The following PITPNC1 variants were observed in gnomAD, a reference collection of about 807,000 sequenced individuals.
The protein encoded by PITPNC1 is cytoplasmic phosphatidylinositol transfer protein 1.
PITPNC1 carries 18 observed loss-of-function variants against 44.7 expected under a neutral mutation model. That is an observed-to-expected ratio of 0.40 (90% confidence interval 0.28 to 0.60). The LOEUF is 0.60. PITPNC1 is among the 20% of genes least tolerant of loss of function. The pLI, the probability that PITPNC1 is intolerant of heterozygous loss-of-function variation, is 0.39. For synonymous variants in PITPNC1, 141 were observed against 149.6 expected (o/e 0.94, Z 0.42); for missense variants, 290 against 418.4 (o/e 0.69, Z 2.68).
intron 5 of PITPNC1, among the ~76,000 whole-genome samples, chr17:67,622,550 T>C (rs1937809790): frequency 6.6e-6 from 1 of 150,908 alleles, no homozygotes; most frequent in African/African-American, 2.4e-5. Flanking sequence ...CATTAGTGCT[T>C]TTCAGGCTCT....
At chr17:67,545,875 C>A (rs2040673021) in intron 2 of PITPNC1, among the ~76,000 whole-genome samples, 1 of 152,082 alleles carries the variant, frequency 6.6e-6, no homozygotes. Context: ...GTGGGACTTG[C>A]ATTCCACTCG....
chr17:67,636,191 G>C (rs529797815), intron 6 of PITPNC1, among the ~76,000 whole-genome samples: 1 of 150,644 alleles, frequency 6.6e-6, no homozygotes, highest in Non-Finnish European at 1.5e-5. Flanking sequence ...CCATCTACTC[G>C]TGAGGCTGAG....
intron 5 of PITPNC1, among the ~76,000 whole-genome samples, chr17:67,603,657 C>T (rs1048760556): frequency 4.6e-5 from 7 of 152,094 alleles, no homozygotes; most frequent in Non-Finnish European, 7.4e-5. Flanking sequence ...GAGCCAGGCG[C>T]GGTGGCTCAC....
At chr17:67,435,649 C>T (rs1316262014) in intron 1 of PITPNC1, among the ~76,000 whole-genome samples, 1 of 152,146 alleles carries the variant, frequency 6.6e-6, no homozygotes, top group African/African-American at 2.4e-5. Context: ...GTCAGGAGTT[C>T]GAGATCAGCT....
intron 1 of PITPNC1, among the ~76,000 whole-genome samples, chr17:67,426,961 G>A (rs2038775705): frequency 6.6e-6 from 1 of 152,144 alleles, no homozygotes; most frequent in African/African-American, 2.4e-5. Flanking sequence ...ATGCTGGTGA[G>A]TTCTGAGCAC....
chr17:67,513,579 T>C (rs2040220446), intron 1 of PITPNC1, among the ~76,000 whole-genome samples: 1 of 151,360 alleles, frequency 6.6e-6, no homozygotes, highest in Non-Finnish European at 1.5e-5. Context: ...GACTTGGTAG[T>C]TGCCAAGTGG....
intron 5 of PITPNC1, among the ~76,000 whole-genome samples, chr17:67,628,885 T>C (rs1439271574): frequency 6.6e-6 from 1 of 152,104 alleles, no homozygotes; most frequent in Non-Finnish European, 1.5e-5. Context: ...CCCAACAACA[T>C]CCAAATCTGA....
chr17:67,573,919 A>G (rs542886157), intron 4 of PITPNC1, among the ~76,000 whole-genome samples: 97 of 152,316 alleles, frequency 6.4e-4, no homozygotes, highest in African/African-American at 2.3e-3. Flanking sequence ...GGAATTGATT[A>G]TAGATGGGGG....
chr17:67,563,463 C>CTAA (rs2040932410), intron 4 of PITPNC1, among the ~76,000 whole-genome samples: 1 of 152,150 alleles, frequency 6.6e-6, no homozygotes, highest in Non-Finnish European at 1.5e-5. Context: ...TGATGTTAGG[C>CTAA]CCGTTGTAAA....
intron 1 of PITPNC1, among the ~76,000 whole-genome samples, chr17:67,465,714 T>TGCG (rs2039416478): frequency 6.6e-6 from 1 of 152,166 alleles, no homozygotes; most frequent in Non-Finnish European, 1.5e-5. Context: ...GAGTCCTCTG[T>TGCG]GCCTAGTTCC....
chr17:67,558,717 TGTTA>T (rs2040870707), intron 4 of PITPNC1, among the ~76,000 whole-genome samples: 1 of 152,182 alleles, frequency 6.6e-6, no homozygotes, highest in Admixed American at 6.5e-5. Flanking sequence ...TGCACCTTTG[TGTTA>T]GTTAGAATGA....
At position 67,378,131 on chromosome 17, in the gene PITPNC1, C is replaced by CG; in HGVS notation, c.-19dup. 1.3e-6 allele frequency: 2 copies of CG among 1,523,734 alleles called. No homozygotes were observed. The highest frequency in any genetic ancestry group is 1.2e-5 in the South Asian group (1 of 81,732). The allele number at this position is 1,523,734 out of a possible 1,614,324, so 94.4% of individuals were successfully genotyped here. ...TGGGGGCGCCCCCCGCTTCCCGCCC[C>CG]GGGGGTCCGCGGCCGGCAGGACCAT... On this transcript the variant is annotated 5_prime_UTR_variant, in exon 1 of 9. Transcript: ENST00000581322.
intron 1 of PITPNC1, among the ~76,000 whole-genome samples, chr17:67,434,050 C>T (rs2038897685): frequency 6.6e-6 from 1 of 152,078 alleles, no homozygotes; most frequent in African/African-American, 2.4e-5. Flanking sequence ...ACCTGGTTCT[C>T]CAGGGAGGTG....
intron 6 of PITPNC1, among the ~76,000 whole-genome samples, chr17:67,632,794 C>T (rs2144334912): frequency 6.6e-6 from 1 of 152,202 alleles, no homozygotes; most frequent in East Asian, 1.9e-4. Flanking sequence ...TCTCCAACTT[C>T]TGATCTCAAA....
At chr17:67,574,754 C>A (rs2041113809) in intron 4 of PITPNC1, among the ~76,000 whole-genome samples, 1 of 152,066 alleles carries the variant, frequency 6.6e-6, no homozygotes, top group African/African-American at 2.4e-5. Flanking sequence ...CCGCACACCC[C>A]AGGACTCTGA....
intron 1 of PITPNC1, among the ~76,000 whole-genome samples, chr17:67,398,166 C>G (rs2038250732): frequency 6.6e-6 from 1 of 151,790 alleles, no homozygotes; most frequent in African/African-American, 2.4e-5. Context: ...AGTATTGGCG[C>G]AAAAGTAATT....
chr17:67,671,995 C>T (rs1194932262), intron 7 of PITPNC1, among the ~76,000 whole-genome samples: 1 of 151,976 alleles, frequency 6.6e-6, no homozygotes, highest in Non-Finnish European at 1.5e-5. Flanking sequence ...AGTGCAGTGA[C>T]ATGATCTCGG....
chr17:67,688,922 G>A lies in PITPNC1; in HGVS notation c.683-3650G>A, dbSNP rs140405176. On this transcript the variant is annotated intron_variant, in intron 8 of 8. Transcript: ENST00000581322. ...TATTACTTTATAATTAAAGTCCATG[G>A]CTGGGTGCGGTGGCTCACGCCTGTA... Among the ~76,000 whole-genome samples the A allele has an allele frequency of 3.5e-3, 534 of 152,350 alleles. 1 individual carries two copies. The highest frequency in any genetic ancestry group is 0.014 in the Middle Eastern group (4 of 294).
chr17:67,661,358 C>T (rs2042344629), intron 6 of PITPNC1, among the ~76,000 whole-genome samples: 1 of 152,094 alleles, frequency 6.6e-6, no homozygotes, highest in Admixed American at 6.5e-5. Context: ...TTTCCTTCCC[C>T]CTTCCCAGAA....
Sources: gnomAD v4.1 joint callset for allele counts (sites outside exome capture counted in the v4.1 genomes callset) on GRCh38, gnomAD v4.1.1 for gene constraint, MANE v1.5 for transcripts, NCBI Gene and HGNC (gene_info 2026-07-23, HGNC 2026-07-21) for gene names.